MTHFD1L: variants seen among roughly 807,000 people sequenced by gnomAD.
The protein encoded by MTHFD1L is monofunctional C1-tetrahydrofolate synthase, mitochondrial.
A neutral mutation model predicts 119.5 loss-of-function variants in MTHFD1L; 81 were observed. The ratio of observed to expected loss-of-function variants is 0.68; its 90% confidence interval spans 0.57 to 0.82. The LOEUF (loss-of-function observed/expected upper bound fraction) is 0.82, where lower values mean the gene tolerates loss of function less well. Among genes scored for constraint, MTHFD1L ranks in the 40% least tolerant of loss-of-function variants. The pLI, the probability that MTHFD1L is intolerant of heterozygous loss-of-function variation, is 0.00. For synonymous variants in MTHFD1L, 430 were observed against 475.2 expected (o/e 0.90, Z 1.24); for missense variants, 1,125 against 1,253.4 (o/e 0.90, Z 1.55).
intron 11 of MTHFD1L, chr6:150,935,654 G>T (rs1256038636): frequency 2.1e-6 from 2 of 959,168 alleles, no homozygotes; most frequent in Non-Finnish European, 3.1e-6. Flanking sequence ...TGGTTTGCCT[G>T]TCTGCCCTCC....
At chr6:151,016,204 C>T (rs1783027021) in intron 24 of MTHFD1L, among the ~76,000 whole-genome samples, 1 of 152,224 alleles carries the variant, frequency 6.6e-6, no homozygotes, top group South Asian at 2.1e-4. Context: ...ACTCCCAAAT[C>T]GCAGTCCTAA....
chr6:151,014,967 C>G lies in MTHFD1L; in HGVS notation c.2395C>G (p.Leu799Val). 6.2e-7 allele frequency: 1 copy of G among 1,614,016 alleles called. No homozygotes were observed. Reference sequence around the variant, plus strand: ...CTTTGGGGTTCCCGTTGTGGTGGCTCTGAATGTCTTCAAGTAAGTCCAGCC... The same window carrying G: ...CTTTGGGGTTCCCGTTGTGGTGGCTGTGAATGTCTTCAAGTAAGTCCAGCC... ...QLFGVPVVVA[L>V]NVFKTDTRAE... The change falls in exon 23 of 28, where the codon CTG becomes GTG. Residue 799 changes from leucine (L) to valine (V), a missense_variant. This residue lies in a region of MTHFD1L where 1,058 missense variants were observed against 1,151.2 expected (regional missense o/e 0.92). Transcript: ENST00000367321.
intron 11 of MTHFD1L, chr6:150,935,535 A>T: frequency 1.9e-6 from 3 of 1,550,826 alleles, no homozygotes; most frequent in Non-Finnish European, 2.6e-6. Context: ...ATTAAAAGAA[A>T]AATTTTGCGG....
At chr6:151,025,755 C>T (rs965419335) in intron 24 of MTHFD1L, among the ~76,000 whole-genome samples, 1 of 152,288 alleles carries the variant, frequency 6.6e-6, no homozygotes, top group Admixed American at 6.5e-5. Flanking sequence ...TGTATGCCAA[C>T]GACTTCATTT....
intron 20 of MTHFD1L, among the ~76,000 whole-genome samples, chr6:150,994,444 T>C (rs1779549291): frequency 6.6e-6 from 1 of 152,182 alleles, no homozygotes; most frequent in Admixed American, 6.5e-5. Flanking sequence ...GCCAATCCAC[T>C]GTCAGCGTGA....
chr6:151,020,869 C>T (rs918608484), intron 24 of MTHFD1L, among the ~76,000 whole-genome samples: 8 of 152,140 alleles, frequency 5.3e-5, no homozygotes, highest in Non-Finnish European at 8.8e-5. Context: ...CTGAAAGAAA[C>T]GCTAATCTAC....
At chr6:150,960,696 G>T (rs968114876) in intron 18 of MTHFD1L, among the ~76,000 whole-genome samples, 2 of 151,990 alleles carry the variant, frequency 1.3e-5, no homozygotes, top group Non-Finnish European at 2.9e-5. Flanking sequence ...CTTCTGCCTG[G>T]GCTGGGGAGG....
chr6:150,898,571 G>C (rs966465052), intron 7 of MTHFD1L, among the ~76,000 whole-genome samples: 2 of 152,212 alleles, frequency 1.3e-5, no homozygotes, highest in East Asian at 3.8e-4. Flanking sequence ...CTGTATGGAT[G>C]AAAGTTTGTG....
intron 4 of MTHFD1L, 98 bp from the exon 5 acceptor site, chr6:150,882,664 A>G: frequency 1.2e-6 from 1 of 848,570 alleles, no homozygotes; most frequent in Non-Finnish European, 1.7e-6. Flanking sequence ...ACTATAACAG[A>G]TGCATTTTCA....
At chr6:150,893,471 G>GAA (rs150287033) in intron 7 of MTHFD1L, among the ~76,000 whole-genome samples, 1 of 152,036 alleles carries the variant, frequency 6.6e-6, no homozygotes, top group Non-Finnish European at 1.5e-5. Context: ...AAGAGTTAAG[G>GAA]AAAAAAGAGA....
intron 16 of MTHFD1L, among the ~76,000 whole-genome samples, chr6:150,953,358 G>A (rs145820495): frequency 1.2e-3 from 188 of 152,262 alleles, no homozygotes; most frequent in African/African-American, 3.2e-3. Flanking sequence ...TAAGCAAACA[G>A]ATCTCCCCCG....
At chr6:150,909,350 G>A (rs1001756941) in intron 8 of MTHFD1L, among the ~76,000 whole-genome samples, 5 of 151,076 alleles carry the variant, frequency 3.3e-5, no homozygotes, top group Admixed American at 2.0e-4. Flanking sequence ...ACAGTGGCAC[G>A]ATCACAGCCT....
chr6:150,886,457 A>G (rs1040983928), intron 6 of MTHFD1L, among the ~76,000 whole-genome samples: 5 of 148,208 alleles, frequency 3.4e-5, no homozygotes, highest in Admixed American at 6.7e-5. Context: ...AAAAAAAAAA[A>G]AGAGAAGAAG....
chr6:150,928,866 G>C (rs1253308060), intron 11 of MTHFD1L, among the ~76,000 whole-genome samples: 2 of 152,092 alleles, frequency 1.3e-5, no homozygotes, highest in Non-Finnish European at 2.9e-5. Context: ...TTGTAAGAGG[G>C]ACAGACAGCC....
chr6:150,951,959 G>A (rs1019022728), intron 16 of MTHFD1L, among the ~76,000 whole-genome samples: 1 of 152,128 alleles, frequency 6.6e-6, no homozygotes, highest in African/African-American at 2.4e-5. Context: ...TTTGGTGTCT[G>A]CTTTGGGGTT....
chr6:151,003,011 G>A (rs1399360121), intron 20 of MTHFD1L, among the ~76,000 whole-genome samples: 2 of 152,156 alleles, frequency 1.3e-5, no homozygotes, highest in Non-Finnish European at 2.9e-5. Flanking sequence ...CAGGTGGGGA[G>A]CGGAATAGGC....
At position 150,936,844 on chromosome 6, in the gene MTHFD1L, A is replaced by G; in HGVS notation, c.1297A>G (p.Thr433Ala). Residue 433 changes from threonine (T) to alanine (A), a missense_variant, in exon 12 of 28, where the codon ACC becomes GCC. By Grantham distance (58) the Thr-to-Ala change is moderately conservative. This residue lies in a region of MTHFD1L where 1,058 missense variants were observed against 1,151.2 expected (regional missense o/e 0.92). Transcript: ENST00000367321. Reference protein sequence around the residue: ...TPLGEGKSTVTIGLVQALTAH... With the variant: ...TPLGEGKSTVAIGLVQALTAH... ...TCTTGGAGAAGGGAAGAGCACAGTC[A>G]CCATCGGGCTTGTGCAGGCTCTGAC... The G allele has an allele frequency of 6.2e-7, 1 of 1,614,088 alleles. No homozygotes were observed. The highest frequency in any genetic ancestry group is 8.5e-7 in the Non-Finnish European group (1 of 1,179,960).
intron 26 of MTHFD1L, among the ~76,000 whole-genome samples, chr6:151,046,790 C>G (rs1788156681): frequency 6.6e-6 from 1 of 151,998 alleles, no homozygotes; most frequent in Admixed American, 6.6e-5. Context: ...AAAATGAATG[C>G]AAACCAAGAT....
Position 150,865,874 on chromosome 6 carries a change from C to G in MTHFD1L, c.52C>G (p.Pro18Ala). 8.3e-7 allele frequency: 1 copy of G among 1,202,610 alleles called. No homozygotes were observed. The highest frequency in any genetic ancestry group is 1.0e-6 in the Non-Finnish European group (1 of 971,900). The allele number at this position is 1,202,610 out of a possible 1,614,324, so 74.5% of individuals were successfully genotyped here. A position where few individuals can be genotyped will look rare whatever the true frequency, so the allele number is the denominator to read the frequency against. The stretch of plus-strand genomic sequence containing the variant: ...GCGCCAGCTCCGCCGCCCGCCCCAG[C>G]CCCCGGGCCCTCCGCGCCGCCTCCG... ...VLRQLRRPPQ[P>A]PGPPRRLRVP... The change falls in exon 1 of 28, where the codon CCC (proline) becomes GCC (alanine). Residue 18 changes from proline to alanine, a missense_variant. Around this residue, in one of 3 missense-constraint regions of MTHFD1L, gnomAD observed 1,058 missense variants for 1,151.2 expected, o/e 0.92. Transcript: ENST00000367321.
Sources: allele counts gnomAD v4.1 joint callset (sites outside exome capture counted in the v4.1 genomes callset), GRCh38; gene constraint gnomAD v4.1.1; regional missense constraint gnomAD v4.1.1; transcripts MANE v1.5; gene names NCBI Gene and HGNC (gene_info 2026-07-23, HGNC 2026-07-21).